Variants in PHACTR1 observed in about 807,000 individuals in gnomAD.
PHACTR1 encodes phosphatase and actin regulator 1, also known as RPEL repeat containing 1.
Under a neutral mutation model 69.2 loss-of-function variants are expected in PHACTR1, and 16 were observed. The ratio of observed to expected loss-of-function variants is 0.23; its 90% CI spans 0.16 to 0.35. PHACTR1 has a LOEUF of 0.35. PHACTR1 is among the 10% of genes least tolerant of loss of function. PHACTR1 has a pLI of 1.00. For synonymous variants in PHACTR1, 312 were observed against 284.5 expected (o/e 1.10, Z -0.97); for missense variants, 510 against 734.7 (o/e 0.69, Z 3.54).
At chr6:12,811,178 A>T (rs1284323489) in intron 4 of PHACTR1, among the ~76,000 whole-genome samples, 2 of 152,220 alleles carry the variant, frequency 1.3e-5, no homozygotes, top group Non-Finnish European at 2.9e-5. Flanking sequence ...AGATTACATA[A>T]GGGAGTTTCA....
At chr6:13,285,405 C>T (rs1394910457) in intron 13 of PHACTR1, among the ~76,000 whole-genome samples, 1 of 152,158 alleles carries the variant, frequency 6.6e-6, no homozygotes, top group Non-Finnish European at 1.5e-5. Flanking sequence ...ATAGACAGAG[C>T]TATGCAAGAA....
intron 3 of PHACTR1, among the ~76,000 whole-genome samples, chr6:12,746,766 T>C (rs1765833610): frequency 6.6e-6 from 1 of 152,212 alleles, no homozygotes; most frequent in African/African-American, 2.4e-5. Context: ...GATGTACTTC[T>C]CTGAAATGGC....
At chr6:12,957,829 G>T (rs772300525) in intron 4 of PHACTR1, 94 of 985,482 alleles carry the variant, frequency 9.5e-5, no homozygotes, top group Non-Finnish European at 1.1e-4. Context: ...CTGGTCAGCG[G>T]CCAGGGAATT....
At chr6:12,913,496 A>T (rs78574440) in intron 4 of PHACTR1, among the ~76,000 whole-genome samples, 1 of 152,170 alleles carries the variant, frequency 6.6e-6, no homozygotes, top group Admixed American at 6.5e-5. Context: ...ACTGTTCTCA[A>T]ATCATATAGG....
At chr6:13,110,110 A>G (rs1040787657) in intron 5 of PHACTR1, among the ~76,000 whole-genome samples, 11 of 151,752 alleles carry the variant, frequency 7.2e-5, no homozygotes, top group African/African-American at 2.4e-4. Context: ...TGCAGATTTC[A>G]TTATCTCTGT....
intron 4 of PHACTR1, among the ~76,000 whole-genome samples, chr6:13,049,659 T>A (rs1805622053): frequency 6.6e-6 from 1 of 152,224 alleles, no homozygotes; most frequent in African/African-American, 2.4e-5. Context: ...ATTTTGGCTA[T>A]AACACGTGTT....
chr6:13,221,648 T>C (rs1310977658), intron 8 of PHACTR1, among the ~76,000 whole-genome samples: 1 of 152,212 alleles, frequency 6.6e-6, no homozygotes, highest in Non-Finnish European at 1.5e-5. Context: ...ACCTATCTCT[T>C]AGGATCCTTG....
In PHACTR1 at chr6:13,276,009, C is replaced by T. The variant is rs1401950379; in HGVS notation, c.1448-2259C>T. The T allele has an allele frequency of 1.3e-5, 2 of 152,068 alleles. 1 individual carries two copies. The highest frequency in any genetic ancestry group is 6.3e-3 in the Middle Eastern group (2 of 316). 9.4% of individuals were successfully genotyped at this position (152,068 alleles called of 1,614,324 possible). On this transcript the variant is annotated intron_variant, in intron 11 of 14. Transcript: ENST00000332995. ...GTACAAATGTCACTGTCTGGGGGCT[C>T]CCTACTTCCGGGTGTTGCTGTCTGC...
At chr6:13,210,005 T>C (rs2113902942) in intron 8 of PHACTR1, among the ~76,000 whole-genome samples, 1 of 152,244 alleles carries the variant, frequency 6.6e-6, no homozygotes, top group African/African-American at 2.4e-5. Context: ...AAGTTACTTT[T>C]TATTTATATT....
At chr6:12,995,255 A>C (rs976114148) in intron 4 of PHACTR1, among the ~76,000 whole-genome samples, 3 of 151,598 alleles carry the variant, frequency 2.0e-5, no homozygotes, top group South Asian at 2.1e-4. Context: ...AAAAAAAAAA[A>C]CAGAAACAAA....
intron 4 of PHACTR1, among the ~76,000 whole-genome samples, chr6:12,936,246 A>G (rs1789433914): frequency 6.6e-6 from 1 of 152,184 alleles, no homozygotes; most frequent in African/African-American, 2.4e-5. Context: ...TTCTTTATTC[A>G]GAATCAAACA....
At chr6:13,198,410 C>T (rs549456508) in intron 7 of PHACTR1, among the ~76,000 whole-genome samples, 2 of 152,264 alleles carry the variant, frequency 1.3e-5, no homozygotes, top group South Asian at 4.2e-4. Context: ...GTGATAGCAT[C>T]AAGAATTATG....
chr6:13,150,263 G>A (rs1824098513), intron 5 of PHACTR1, among the ~76,000 whole-genome samples: 1 of 152,108 alleles, frequency 6.6e-6, no homozygotes, highest in African/African-American at 2.4e-5. Context: ...GATCACTTAA[G>A]CCTGGCAGGT....
At chr6:13,103,119 G>A (rs1815458540) in intron 5 of PHACTR1, among the ~76,000 whole-genome samples, 1 of 152,120 alleles carries the variant, frequency 6.6e-6, no homozygotes, top group African/African-American at 2.4e-5. Flanking sequence ...ACCTATTAAG[G>A]TTTGTCGCAA....
At chr6:13,271,015 CT>C (rs142906501) in intron 10 of PHACTR1, among the ~76,000 whole-genome samples, 98 of 138,874 alleles carry the variant, frequency 7.1e-4, no homozygotes, top group Non-Finnish European at 7.9e-4. Context: ...TTTTTTTTTT[CT>C]TTTTTTTTTT....
intron 10 of PHACTR1, among the ~76,000 whole-genome samples, chr6:13,269,028 G>A (rs1314603658): frequency 1.3e-5 from 2 of 152,164 alleles, no homozygotes; most frequent in Non-Finnish European, 2.9e-5. Flanking sequence ...AGAGCCAGTT[G>A]TCATGTTCAC....
chr6:12,797,040 T>TGTGTGTGAGA (rs563796658), intron 4 of PHACTR1, among the ~76,000 whole-genome samples: 44 of 133,396 alleles, frequency 3.3e-4, no homozygotes, highest in African/African-American at 8.9e-4. Flanking sequence ...TGTGTGTGTG[T>TGTGTGTGAGA]GAGAGAGAGA....
chr6:13,025,059 C>T (rs1184738977), intron 4 of PHACTR1, among the ~76,000 whole-genome samples: 1 of 152,036 alleles, frequency 6.6e-6, no homozygotes, highest in Non-Finnish European at 1.5e-5. Flanking sequence ...AGTTCAAGAC[C>T]AGCCTGGGCA....
chr6:12,974,208 C>T lies in PHACTR1; in HGVS notation c.251-79157C>T, dbSNP rs567385282. 1.8e-4 allele frequency among the ~76,000 whole-genome samples: 28 copies of T among 152,274 alleles called. No individual in the cohort carries two copies. The South Asian group carries it at 3.3e-3, about 18-fold the overall frequency. The stretch of plus-strand genomic sequence containing the variant: ...GTGCTGGGATTACAGGTGTGAACCA[C>T]CGTGCCTGGCCAGGAGTGTGAGATT... On this transcript the variant is annotated intron_variant, in intron 4 of 14. Transcript: ENST00000332995.
Sources: allele counts gnomAD v4.1 joint callset (sites outside exome capture counted in the v4.1 genomes callset), GRCh38; gene constraint gnomAD v4.1.1; transcripts MANE v1.5; gene names NCBI Gene and HGNC (gene_info 2026-07-23, HGNC 2026-07-21).